Variants in XPR1 observed in about 807,000 individuals in gnomAD.
XPR1 encodes xenotropic and polytropic retrovirus receptor 1.
XPR1 carries 28 observed loss-of-function variants against 87.5 expected under a neutral mutation model. The ratio of observed to expected loss-of-function variants is 0.32; its 90% CI spans 0.24 to 0.44. The LOEUF (loss-of-function observed/expected upper bound fraction) is 0.44. XPR1 is among the 20% of genes least tolerant of loss of function. XPR1 has a pLI of 1.00. For missense variants in XPR1, 559 were observed against 862.3 expected, an observed-to-expected ratio of 0.65 and a Z score of 4.41; for synonymous variants, 300 against 306.1, an observed-to-expected ratio of 0.98 and a Z score of 0.21.
intron 2 of XPR1, among the ~76,000 whole-genome samples, chr1:180,714,349 TTCTCTCTCTCTCTC>T (rs71121047): frequency 0.025 from 1,824 of 72,132 alleles, 33 homozygotes; most frequent in African/African-American, 0.033. Context: ...TTTTTCCCTG[TTCTCTCTCTCTCTC>T]TCTCTCTCTC....
rs1423728480 is a variant in XPR1 at position 180,787,779 on chromosome 1, T to C, written c.148T>C (p.Tyr50His). The C allele has an allele frequency of 2.5e-5, 41 of 1,613,220 alleles. No individual in the cohort carries two copies. The highest frequency in any genetic ancestry group is 3.4e-5 in the Non-Finnish European group (40 of 1,179,724). The change falls in exon 3 of 15, where the codon TAT becomes CAT. Residue 50 changes from tyrosine to histidine, a missense_variant. Around this residue, in one of 7 missense-constraint regions of XPR1, gnomAD observed 159 missense variants for 263.3 expected, o/e 0.60. Coordinates refer to ENST00000367590, the MANE Select transcript of XPR1 (RefSeq NM_004736.4). Reference protein sequence around the residue: ...EVTDEDTVKRYFAKFEEKFFQ... With the variant: ...EVTDEDTVKRHFAKFEEKFFQ... ...TACAGATGAGGACACAGTAAAGAGG[T>C]ATTTTGCCAAGTTTGAAGAGAAGTT...
At chr1:180,798,456 A>G (rs1649665447) in intron 3 of XPR1, among the ~76,000 whole-genome samples, 1 of 152,186 alleles carries the variant, frequency 6.6e-6, no homozygotes, top group Non-Finnish European at 1.5e-5. Flanking sequence ...TAAAAAGGTC[A>G]AGGGGTTATA....
At chr1:180,783,809 C>CT (rs771296472) in intron 2 of XPR1, among the ~76,000 whole-genome samples, 1 of 151,842 alleles carries the variant, frequency 6.6e-6, no homozygotes, top group Non-Finnish European at 1.5e-5. Context: ...AATCCCAGCA[C>CT]TTTGGGAGGC....
intron 7 of XPR1, among the ~76,000 whole-genome samples, chr1:180,814,632 C>T (rs1283396376): frequency 1.3e-5 from 2 of 152,078 alleles, no homozygotes; most frequent in Admixed American, 6.6e-5. Context: ...TGCTTGATGC[C>T]TACAAGTCTT....
At chr1:180,688,754 T>G (rs1302564792) in intron 2 of XPR1, among the ~76,000 whole-genome samples, 1 of 152,182 alleles carries the variant, frequency 6.6e-6, no homozygotes, top group Admixed American at 6.5e-5. Flanking sequence ...AAATATAAAG[T>G]GAAATATCTT....
At chr1:180,782,104 T>G (rs1648965997) in intron 2 of XPR1, among the ~76,000 whole-genome samples, 1 of 152,042 alleles carries the variant, frequency 6.6e-6, no homozygotes, top group African/African-American at 2.4e-5. Context: ...CAAAGGAATC[T>G]CTAAGACAGT....
chr1:180,672,863 T>C (rs2101932855), intron 1 of XPR1, among the ~76,000 whole-genome samples: 1 of 152,330 alleles, frequency 6.6e-6, no homozygotes, highest in South Asian at 2.1e-4. Context: ...GTTGTAATTT[T>C]ATTCAGTTGT....
At chr1:180,764,673 T>C (rs1241605422) in intron 2 of XPR1, among the ~76,000 whole-genome samples, 1 of 152,048 alleles carries the variant, frequency 6.6e-6, no homozygotes, top group Non-Finnish European at 1.5e-5. Context: ...TTTTGCCGTG[T>C]TGCCCAGGCT....
intron 9 of XPR1, among the ~76,000 whole-genome samples, chr1:180,832,752 T>C (rs947124428): frequency 6.6e-6 from 1 of 152,208 alleles, no homozygotes; most frequent in South Asian, 2.1e-4. Context: ...ACATGCTGTT[T>C]TGGTTACTGT....
At chr1:180,840,566 GTATATATATATATATA>G (rs71579073) in intron 11 of XPR1, among the ~76,000 whole-genome samples, 3 of 136,340 alleles carry the variant, frequency 2.2e-5, no homozygotes, top group Non-Finnish European at 4.7e-5. Context: ...GTGTGTGTGT[GTATATATATATATATA>G]TATATATAAA....
intron 9 of XPR1, among the ~76,000 whole-genome samples, chr1:180,834,279 C>T (rs1651193247): frequency 1.3e-5 from 2 of 152,088 alleles, no homozygotes; most frequent in Admixed American, 1.3e-4. Flanking sequence ...ATGGTTTCAC[C>T]ATGTTGGCCA....
intron 2 of XPR1, among the ~76,000 whole-genome samples, chr1:180,732,086 G>A (rs767807342): frequency 1.3e-5 from 2 of 151,732 alleles, no homozygotes; most frequent in South Asian, 2.1e-4. Context: ...CCAGCTACTC[G>A]GGAGCCTGAG....
intron 1 of XPR1, among the ~76,000 whole-genome samples, chr1:180,667,393 A>G (rs2101926147): frequency 6.6e-6 from 1 of 152,108 alleles, no homozygotes; most frequent in Admixed American, 6.5e-5. Flanking sequence ...TATTACATTG[A>G]TTGATTTTCC....
At chr1:180,666,368 G>A (rs967001936) in intron 1 of XPR1, among the ~76,000 whole-genome samples, 1 of 152,072 alleles carries the variant, frequency 6.6e-6, no homozygotes, top group Non-Finnish European at 1.5e-5. Context: ...ATTGTAGATC[G>A]CTTTGAGTAG....
intron 2 of XPR1, among the ~76,000 whole-genome samples, chr1:180,730,410 A>G (rs577330105): frequency 2.6e-5 from 4 of 152,360 alleles, no homozygotes; most frequent in African/African-American, 9.6e-5. Flanking sequence ...TTATCAGTAT[A>G]TTAGCAAATA....
rs1234086427 is a variant in XPR1 at position 180,764,502 on chromosome 1, CT to C, written c.122-23250del. 7.2e-5 allele frequency among the ~76,000 whole-genome samples: 11 copies of C among 151,994 alleles called. No homozygotes were observed. The East Asian group carries it at 1.9e-3, about 27-fold the overall frequency. On this transcript the variant is annotated intron_variant, in intron 2 of 14. Coordinates refer to ENST00000367590, the MANE Select transcript of XPR1 (RefSeq NM_004736.4). ...TTTGTTTTTTGAGATGGGGGTCTCA[CT>C]CTGTCACCCAGGCTGGATTGCAGTA...
chr1:180,715,549 A>G (rs1300341063), intron 2 of XPR1, among the ~76,000 whole-genome samples: 2 of 152,182 alleles, frequency 1.3e-5, no homozygotes, highest in African/African-American at 2.4e-5. Flanking sequence ...CATTCTTTCC[A>G]CTGAACCATC....
At chr1:180,841,954 A>G (rs1267980642) in intron 11 of XPR1, among the ~76,000 whole-genome samples, 1 of 152,210 alleles carries the variant, frequency 6.6e-6, no homozygotes, top group East Asian at 1.9e-4. Context: ...AATTTGTTAA[A>G]GAACATGGGA....
At chr1:180,725,002 A>G (rs1658289505) in intron 2 of XPR1, among the ~76,000 whole-genome samples, 2 of 152,236 alleles carry the variant, frequency 1.3e-5, no homozygotes, top group South Asian at 4.1e-4. Context: ...ATGGTGAAAC[A>G]AGGATTGAAC....
Sources: gnomAD v4.1 joint callset for allele counts (sites outside exome capture counted in the v4.1 genomes callset) on GRCh38, gnomAD v4.1.1 for gene constraint, gnomAD v4.1.1 regional missense constraint, MANE v1.5 for transcripts, NCBI Gene and HGNC (gene_info 2026-07-23, HGNC 2026-07-21) for gene names.